The following ANOS1 variants were observed in gnomAD, a reference collection of about 807,000 sequenced individuals.
ANOS1 encodes the protein anosmin-1.
Under a neutral mutation model 59.0 loss-of-function variants are expected in ANOS1, and 6 were observed. That is an observed-to-expected ratio of 0.10 (90% CI 0.06 to 0.20). The LOEUF is 0.20. ANOS1 is among the 10% of genes least tolerant of loss of function. ANOS1 has a pLI of 1.00. For missense variants in ANOS1, 433 were observed against 542.3 expected, an observed-to-expected ratio of 0.80 and a Z score of 2.00; for synonymous variants, 217 against 223.4, an observed-to-expected ratio of 0.97 and a Z score of 0.25.
intron 9 of ANOS1, among the ~76,000 whole-genome samples, chrX:8,551,080 C>T (rs1232100315): frequency 1.8e-5 from 2 of 111,496 alleles, no homozygotes; most frequent in Admixed American, 1.9e-4. Flanking sequence ...TGCCTTTGCT[C>T]CTCCTTCACC....
intron 3 of ANOS1, among the ~76,000 whole-genome samples, chrX:8,606,600 G>C (rs1930947515): frequency 1.8e-5 from 2 of 111,988 alleles, no homozygotes; most frequent in African/African-American, 3.2e-5. Context: ...TAAACTTTAA[G>C]CATTTATTTG....
At chrX:8,547,868 C>A (rs1490895375) in intron 9 of ANOS1, among the ~76,000 whole-genome samples, 5 of 111,090 alleles carry the variant, frequency 4.5e-5, no homozygotes, top group Non-Finnish European at 7.5e-5. Flanking sequence ...AGGCATGCAC[C>A]CCCATGCCCG....
rs1469621723 is a variant in ANOS1 at position 8,703,533 on chromosome X, C to T, written c.208-3788G>A. On this transcript the variant is annotated intron_variant, in intron 1 of 13. Transcript: ENST00000262648. ...GTTAAGAAACCTGTAGTCAGGGAAA[C>T]CAAGTAAAATATGCAGAGTGACAAA... Among the ~76,000 whole-genome samples the T allele has an allele frequency of 2.7e-5, 3 of 111,587 alleles. No homozygotes were observed. In the Admixed American group the frequency reaches 2.9e-4, roughly 11 times the overall value.
chrX:8,656,475 T>C (rs1212548091), intron 2 of ANOS1, among the ~76,000 whole-genome samples: 1 of 111,762 alleles, frequency 8.9e-6, no homozygotes, highest in Non-Finnish European at 1.9e-5. Flanking sequence ...TCCATCCAGC[T>C]GCTTGGAACC....
chrX:8,650,491 G>C (rs192927858), intron 2 of ANOS1, among the ~76,000 whole-genome samples: 12 of 112,131 alleles, frequency 1.1e-4, no homozygotes, highest in Non-Finnish European at 2.1e-4. Context: ...GCCAAGGTGG[G>C]CGGATCACTT....
chrX:8,549,394 T>C (rs111530080), intron 9 of ANOS1, among the ~76,000 whole-genome samples: 1,809 of 112,603 alleles, frequency 0.016, 40 homozygotes, highest in African/African-American at 0.056. Context: ...ATATTACTGC[T>C]TGCTGATACA....
In ANOS1 at chrX:8,585,273, A is replaced by T; in HGVS notation, c.850T>A (p.Ser284Thr). The T allele has an allele frequency of 8.3e-7, 1 of 1,210,667 alleles. No homozygotes were observed. Among genetic ancestry groups the T allele is most frequent in the Non-Finnish European group, 1.1e-6 (1 of 894,820 alleles). ...FTAPSKHFRSSKDPSAPPAPA... is the reference protein window; with the variant it reads ...FTAPSKHFRSTKDPSAPPAPA... Reference sequence around the variant, plus strand: ...GAAGAAAAGGAAGACTGACCTTTGGAAGAACGGAAGTGTTTGCTGGGGGCA... The same window carrying T: ...GAAGAAAAGGAAGACTGACCTTTGGTAGAACGGAAGTGTTTGCTGGGGGCA... Residue 284 changes from serine (S) to threonine (T), a missense_variant, in exon 6 of 14, where the codon TCC becomes ACC. Coordinates refer to ENST00000262648, the MANE Select transcript of ANOS1 (RefSeq NM_000216.4).
At chrX:8,700,295 C>A (rs1885325106) in intron 1 of ANOS1, among the ~76,000 whole-genome samples, 1 of 111,169 alleles carries the variant, frequency 9.0e-6, no homozygotes, top group Non-Finnish European at 1.9e-5. Context: ...GCTCAGGAAA[C>A]TTACAATCAT....
intron 9 of ANOS1, among the ~76,000 whole-genome samples, chrX:8,539,990 T>C (rs1277259996): frequency 1.9e-5 from 2 of 105,910 alleles, no homozygotes; most frequent in Non-Finnish European, 3.9e-5. Flanking sequence ...AGTAATATAC[T>C]GCCAAGGGAA....
chrX:8,583,304 G>A (rs1048709256), intron 6 of ANOS1, among the ~76,000 whole-genome samples: 2 of 111,234 alleles, frequency 1.8e-5, no homozygotes, highest in Admixed American at 9.6e-5. Flanking sequence ...GGATCTTATC[G>A]GGGTGATGCA....
At chrX:8,643,322 G>T (rs764112490) in intron 2 of ANOS1, among the ~76,000 whole-genome samples, 1 of 111,669 alleles carries the variant, frequency 9.0e-6, no homozygotes, top group African/African-American at 3.2e-5. Context: ...AAAATTTTCA[G>T]TATAAATCAT....
At chrX:8,624,665 C>T (rs1433560312) in intron 2 of ANOS1, among the ~76,000 whole-genome samples, 1 of 111,150 alleles carries the variant, frequency 9.0e-6, no homozygotes, top group Non-Finnish European at 1.9e-5. Flanking sequence ...TCTAATAAAT[C>T]AAAGACACTA....
intron 2 of ANOS1, among the ~76,000 whole-genome samples, chrX:8,693,765 G>A (rs901558160): frequency 5.7e-5 from 5 of 88,077 alleles, no homozygotes; most frequent in Non-Finnish European, 1.1e-4. Context: ...TTTAGACAGA[G>A]TCTCACTCTG....
chrX:8,629,157 G>A (rs929684185), intron 2 of ANOS1, among the ~76,000 whole-genome samples: 1 of 111,360 alleles, frequency 9.0e-6, no homozygotes, highest in African/African-American at 3.3e-5. Context: ...GTTGAGGTGG[G>A]AGGATCACTT....
chrX:8,582,131 G>A (rs73199012), intron 6 of ANOS1, among the ~76,000 whole-genome samples: 8,129 of 112,152 alleles, frequency 0.072, 265 homozygotes, highest in Admixed American at 0.13. Flanking sequence ...TCCTAATTGA[G>A]TGCAAGGAGA....
chrX:8,721,587 C>A (rs932312700), intron 1 of ANOS1, among the ~76,000 whole-genome samples: 1 of 112,103 alleles, frequency 8.9e-6, no homozygotes, highest in Admixed American at 9.5e-5. Context: ...TGTCCAACCG[C>A]AAGCCAAGAG....
intron 2 of ANOS1, among the ~76,000 whole-genome samples, chrX:8,658,202 G>A (rs1931966324): frequency 8.9e-6 from 1 of 111,775 alleles, no homozygotes; most frequent in African/African-American, 3.3e-5. Context: ...CATGAGCTCA[G>A]CTATTTCTAA....
intron 3 of ANOS1, among the ~76,000 whole-genome samples, chrX:8,619,999 C>A (rs1310832385): frequency 8.9e-6 from 1 of 112,099 alleles, no homozygotes; most frequent in Non-Finnish European, 1.9e-5. Flanking sequence ...ATGGCATGAT[C>A]ATAGCTCATT....
intron 2 of ANOS1, among the ~76,000 whole-genome samples, chrX:8,650,309 T>G (rs1931830439): frequency 8.9e-6 from 1 of 112,563 alleles, no homozygotes; most frequent in East Asian, 2.8e-4. Context: ...AGGAGGAGAA[T>G]CTGAACATGT....
Sources: allele counts gnomAD v4.1 joint callset (sites outside exome capture counted in the v4.1 genomes callset), GRCh38; gene constraint gnomAD v4.1.1; transcripts MANE v1.5; gene names NCBI Gene and HGNC (gene_info 2026-07-23, HGNC 2026-07-21).